The following SHROOM3 variants were observed in gnomAD, a reference collection of about 807,000 sequenced individuals.
SHROOM3 encodes shroom family member 3, also known as protein Shroom3.
In SHROOM3, 47 loss-of-function variants were observed where a neutral mutation model predicts 138.6. That is an observed-to-expected ratio of 0.34 (90% CI 0.27 to 0.43). SHROOM3 has a LOEUF of 0.43. SHROOM3 is among the 20% of genes least tolerant of loss of function. The probability of loss-of-function intolerance (pLI) is 1.00; values close to 1 mark genes in which losing one functional copy is unlikely to be tolerated. For synonymous variants in SHROOM3, 1,062 were observed against 1,063.3 expected (o/e 1.00, Z 0.02); for missense variants, 2,491 against 2,596.5 (o/e 0.96, Z 0.88).
chr4:76,739,107 G>A lies in SHROOM3; in HGVS notation c.934G>A (p.Asp312Asn). 6.2e-7 allele frequency: 1 copy of A among 1,614,218 alleles called. No homozygotes were observed. The highest frequency in any genetic ancestry group is 8.5e-7 in the Non-Finnish European group (1 of 1,180,040). Residue 312 changes from aspartate (D) to asparagine (N), a missense_variant, in exon 5 of 11, where the codon GAC becomes AAC. Physicochemically the swap from Asp to Asn is conservative, Grantham distance 23. Transcript: ENST00000296043. Reference sequence around the variant, plus strand: ...TATTCGCTATGTCAAGACAGTCTATGACACCCGGAGGGGAGTCTCAGCAGA... The same window carrying A: ...TATTCGCTATGTCAAGACAGTCTATAACACCCGGAGGGGAGTCTCAGCAGA... ...ADIRYVKTVY[D>N]TRRGVSAEYE...
chr4:76,503,647 T>C lies in SHROOM3; in HGVS notation c.169-51962T>C, dbSNP rs150640158. Among the ~76,000 whole-genome samples the C allele has an allele frequency of 4.1e-3, 621 of 152,270 alleles. 6 individuals carry two copies. Among genetic ancestry groups the C allele is most frequent in the African/African-American group, 0.014 (587 of 41,550 alleles). On this transcript the variant is annotated intron_variant, in intron 1 of 10. Transcript: ENST00000296043. ...TTTCACCATGTTGGCCAGGCTGGTCTCAAACTCCCGACTTGAGGTGATCCA... is the reference window on the plus strand; with the variant it reads ...TTTCACCATGTTGGCCAGGCTGGTCCCAAACTCCCGACTTGAGGTGATCCA...
chr4:76,699,433 T>G (rs923621309), intron 2 of SHROOM3, among the ~76,000 whole-genome samples: 1 of 152,212 alleles, frequency 6.6e-6, no homozygotes, highest in African/African-American at 2.4e-5. Context: ...TCATCTGTAC[T>G]AACCTCCTCA....
chr4:76,659,216 C>G (rs899363563), intron 2 of SHROOM3, among the ~76,000 whole-genome samples: 3 of 152,292 alleles, frequency 2.0e-5, no homozygotes, highest in African/African-American at 7.2e-5. Flanking sequence ...CAAAGCACTT[C>G]CCGATGTGAA....
In SHROOM3 at chr4:76,741,543, G is replaced by A. The variant is rs779592019; in HGVS notation, c.3370G>A (p.Gly1124Ser). The change falls in exon 5 of 11, where the codon GGC (glycine) becomes AGC (serine). Residue 1124 changes from glycine to serine, a missense_variant. Physicochemically the swap from Gly to Ser is moderately conservative, Grantham distance 56. This residue lies in a region of SHROOM3 where 1,733 missense variants were observed against 1,661.6 expected (regional missense o/e 1.04). Coordinates refer to ENST00000296043, the MANE Select transcript of SHROOM3 (RefSeq NM_020859.4). This position sits in a 1 kb window ranked among gnomAD's most constrained non-coding sequence, Gnocchi z 6.2. ...ERAQSAYLQP[G>S]PAALEGSGLA... ...CGCCCAGAGTGCCTACCTCCAGCCCGGCCCCGCGGCGCTCGAAGGCTCCGG... is the reference window on the plus strand; with the variant it reads ...CGCCCAGAGTGCCTACCTCCAGCCCAGCCCCGCGGCGCTCGAAGGCTCCGG... The A allele has an allele frequency of 2.6e-6, 4 of 1,548,764 alleles. No homozygotes were observed. Among genetic ancestry groups the A allele is most frequent in the East Asian group, 4.8e-5 (2 of 41,662 alleles).
intron 1 of SHROOM3, among the ~76,000 whole-genome samples, chr4:76,491,240 A>G (rs1731843531): frequency 6.6e-6 from 1 of 152,224 alleles, no homozygotes; most frequent in Admixed American, 6.5e-5. Flanking sequence ...AGATGAATCC[A>G]AGATCTCCAG....
intron 2 of SHROOM3, among the ~76,000 whole-genome samples, chr4:76,688,019 A>C (rs1215461811): frequency 6.6e-6 from 1 of 152,160 alleles, no homozygotes; most frequent in East Asian, 1.9e-4. Flanking sequence ...TGCGTTATAA[A>C]CTGCAAGGGC....
chr4:76,662,580 G>A (rs1718555294), intron 2 of SHROOM3, among the ~76,000 whole-genome samples: 1 of 152,146 alleles, frequency 6.6e-6, no homozygotes, highest in Non-Finnish European at 1.5e-5. Flanking sequence ...CTTCACAATC[G>A]ATGTTTGAAT....
intron 2 of SHROOM3, among the ~76,000 whole-genome samples, chr4:76,695,093 TG>T (rs1719686405): frequency 1.3e-5 from 2 of 152,136 alleles, no homozygotes; most frequent in Admixed American, 1.3e-4. Context: ...TTAATACTGG[TG>T]GTGGGGGATG....
At chr4:76,680,138 A>G (rs1332734024) in intron 2 of SHROOM3, among the ~76,000 whole-genome samples, 4 of 130,346 alleles carry the variant, frequency 3.1e-5, no homozygotes, top group Non-Finnish European at 6.2e-5. Flanking sequence ...AGCTTGACCT[A>G]TACCTTTTTT....
At chr4:76,515,673 G>A (rs1732429882) in intron 1 of SHROOM3, among the ~76,000 whole-genome samples, 1 of 152,198 alleles carries the variant, frequency 6.6e-6, no homozygotes. Context: ...ATGTTTCTGG[G>A]TTTGCAGTAT....
intron 2 of SHROOM3, among the ~76,000 whole-genome samples, chr4:76,700,965 A>G (rs970167232): frequency 9.9e-5 from 15 of 151,882 alleles, no homozygotes; most frequent in Admixed American, 4.6e-4. Context: ...TTGTATTTTT[A>G]ATAGAGATAG....
intron 1 of SHROOM3, among the ~76,000 whole-genome samples, chr4:76,549,227 C>G (rs578254638): frequency 6.6e-6 from 1 of 152,152 alleles, no homozygotes; most frequent in Non-Finnish European, 1.5e-5. Context: ...ATTTAGTTAG[C>G]CTCAGTACAA....
intron 2 of SHROOM3, among the ~76,000 whole-genome samples, chr4:76,679,567 G>GA (rs531310848): frequency 1.3e-4 from 19 of 146,946 alleles, no homozygotes; most frequent in African/African-American, 2.7e-4. Flanking sequence ...TTTTCTAGAA[G>GA]AAAAAAAAAA....
intron 2 of SHROOM3, among the ~76,000 whole-genome samples, chr4:76,579,237 G>A (rs1403080390): frequency 6.6e-6 from 1 of 151,986 alleles, no homozygotes; most frequent in Non-Finnish European, 1.5e-5. Context: ...GGGAGGCCAA[G>A]GCGGGCAGAT....
At chr4:76,722,701 G>A (rs1414934484) in intron 3 of SHROOM3, among the ~76,000 whole-genome samples, 3 of 151,662 alleles carry the variant, frequency 2.0e-5, no homozygotes, top group Non-Finnish European at 4.4e-5. Flanking sequence ...TAAGCACAGT[G>A]TTCAATAAGA....
chr4:76,497,831 G>A (rs868462820), intron 1 of SHROOM3, among the ~76,000 whole-genome samples: 9 of 152,058 alleles, frequency 5.9e-5, no homozygotes, highest in African/African-American at 7.2e-5. Flanking sequence ...GCACTCTAGC[G>A]TGGGCAACAG....
intron 2 of SHROOM3, 171 bp from the exon 3 acceptor site, chr4:76,709,985 G>A (rs758554696): frequency 3.0e-5 from 21 of 709,746 alleles, no homozygotes; most frequent in Middle Eastern, 2.5e-4. Flanking sequence ...ATTCGCCTTC[G>A]TAGGGCAGAG....
chr4:76,608,610 C>CGTAGCGT (rs1734681079), intron 2 of SHROOM3, among the ~76,000 whole-genome samples: 1 of 91,390 alleles, frequency 1.1e-5, no homozygotes, highest in East Asian at 3.3e-4. Context: ...CATAGCATAG[C>CGTAGCGT]ATTGGACAGA....
At chr4:76,626,580 G>A (rs986871510) in intron 2 of SHROOM3, among the ~76,000 whole-genome samples, 2 of 152,174 alleles carry the variant, frequency 1.3e-5, no homozygotes, top group Admixed American at 6.5e-5. Flanking sequence ...ACATGCATGG[G>A]TAGAATTACC....
Sources: allele counts gnomAD v4.1 joint callset (sites outside exome capture counted in the v4.1 genomes callset), GRCh38; gene constraint gnomAD v4.1.1; regional missense constraint gnomAD v4.1.1; non-coding constraint Gnocchi (gnomAD v3.1); transcripts MANE v1.5; gene names NCBI Gene and HGNC (gene_info 2026-07-23, HGNC 2026-07-21).